Variants in RNF220 observed in about 807,000 individuals in gnomAD.
The protein encoded by RNF220 is E3 ubiquitin-protein ligase RNF220.
RNF220 carries 7 observed loss-of-function variants against 67.1 expected under a neutral mutation model. That is an observed-to-expected ratio of 0.10 (90% CI 0.06 to 0.20). The LOEUF (loss-of-function observed/expected upper bound fraction) is 0.20. Among genes scored for constraint, RNF220 ranks in the 10% least tolerant of loss-of-function variants. The probability of loss-of-function intolerance (pLI) is 1.00; values close to 1 mark genes in which losing one functional copy is unlikely to be tolerated. For synonymous variants in RNF220, 270 were observed against 283.2 expected, an observed-to-expected ratio of 0.95 and a Z score of 0.47; for missense variants, 565 against 740.3, an observed-to-expected ratio of 0.76 and a Z score of 2.75.
At chr1:44,470,956 C>G (rs1654749680) in intron 2 of RNF220, among the ~76,000 whole-genome samples, 1 of 152,180 alleles carries the variant, frequency 6.6e-6, no homozygotes, top group African/African-American at 2.4e-5. Context: ...TCCCAACCCA[C>G]TGGACTTCAG....
At position 44,556,598 on chromosome 1, in the gene RNF220, C is replaced by T. The variant is rs898326546; in HGVS notation, c.626-57567C>T. On this transcript the variant is annotated intron_variant, in intron 2 of 14. Coordinates refer to ENST00000361799, the MANE Select transcript of RNF220 (RefSeq NM_018150.4). ...TTTTTTTGACAGAGTCTGGCTCTGT[C>T]ACCCAGGCTGGAGTGCAGTGGCATG... Among the ~76,000 whole-genome samples the T allele has an allele frequency of 8.1e-5, 12 of 148,998 alleles. 1 individual carries two copies. Among genetic ancestry groups the T allele is most frequent in the African/African-American group, 2.8e-4 (11 of 38,948 alleles).
At chr1:44,569,588 C>T (rs2148314069) in intron 2 of RNF220, among the ~76,000 whole-genome samples, 1 of 152,350 alleles carries the variant, frequency 6.6e-6, no homozygotes, top group East Asian at 1.9e-4. Context: ...AGGGCCATGA[C>T]TTTGCTGCCA....
chr1:44,527,044 G>C (rs368018914), intron 2 of RNF220, among the ~76,000 whole-genome samples: 1 of 151,510 alleles, frequency 6.6e-6, no homozygotes, highest in South Asian at 2.1e-4. Flanking sequence ...CCTTACTTAC[G>C]CATCTTCCCG....
intron 2 of RNF220, among the ~76,000 whole-genome samples, chr1:44,507,371 T>G (rs1007840078): frequency 5.9e-5 from 9 of 151,608 alleles, no homozygotes; most frequent in African/African-American, 2.2e-4. Flanking sequence ...TTACTCCACC[T>G]CTCCAGAGCC....
chr1:44,545,899 G>A (rs1162050272), intron 2 of RNF220, among the ~76,000 whole-genome samples: 1 of 152,056 alleles, frequency 6.6e-6, no homozygotes, highest in Admixed American at 6.6e-5. Flanking sequence ...TGGGATTACA[G>A]GCATGCGCCA....
At chr1:44,502,246 A>G (rs957527122) in intron 2 of RNF220, among the ~76,000 whole-genome samples, 3 of 152,012 alleles carry the variant, frequency 2.0e-5, no homozygotes, top group Non-Finnish European at 4.4e-5. Flanking sequence ...CGCATGATCC[A>G]GTGTTCTGGG....
chr1:44,552,820 T>C (rs270699), intron 2 of RNF220, among the ~76,000 whole-genome samples: 130,165 of 151,822 alleles, frequency 0.86, 57,354 homozygotes, highest in Non-Finnish European at 0.97. Context: ...CCGCCCGCCT[T>C]GGCCTCCCAA....
chr1:44,635,620 G>T, intron 7 of RNF220, 32 bp downstream of exon 7: 2 of 1,614,184 alleles, frequency 1.2e-6, no homozygotes, highest in Non-Finnish European at 1.7e-6. Context: ...CCCCTGGCAG[G>T]ATCGGAGCAG....
chr1:44,630,603 T>C (rs1644088135), intron 5 of RNF220, among the ~76,000 whole-genome samples: 1 of 147,752 alleles, frequency 6.8e-6, no homozygotes, highest in Non-Finnish European at 1.5e-5. Flanking sequence ...AAAATATACA[T>C]GATCAAAGAG....
At chr1:44,562,939 A>G (rs1663693669) in intron 2 of RNF220, among the ~76,000 whole-genome samples, 1 of 152,226 alleles carries the variant, frequency 6.6e-6, no homozygotes, top group South Asian at 2.1e-4. Flanking sequence ...AAATACAGTC[A>G]AGAATTATAC....
At chr1:44,617,560 G>A (rs1012790282) in intron 3 of RNF220, among the ~76,000 whole-genome samples, 2 of 152,256 alleles carry the variant, frequency 1.3e-5, no homozygotes, top group Admixed American at 1.3e-4. Flanking sequence ...TCAGCGGGGA[G>A]CGCGGGGAGG....
chr1:44,496,404 G>A (rs1171478475), intron 2 of RNF220, among the ~76,000 whole-genome samples: 2 of 152,302 alleles, frequency 1.3e-5, no homozygotes, highest in African/African-American at 4.8e-5. Flanking sequence ...AGACAGGCAT[G>A]AGAATGAATG....
intron 2 of RNF220, among the ~76,000 whole-genome samples, chr1:44,423,654 TC>T (rs945127775): frequency 7.9e-5 from 12 of 152,120 alleles, no homozygotes; most frequent in Non-Finnish European, 1.8e-4. Context: ...AGATTAAGGG[TC>T]CTCATCTTTT....
At chr1:44,632,128 G>T in intron 5 of RNF220, 3 of 1,518,666 alleles carry the variant, frequency 2.0e-6, no homozygotes, top group Non-Finnish European at 2.7e-6. Flanking sequence ...CGGCCACGGG[G>T]TCCCGTTAGA....
At chr1:44,570,624 A>T (rs1664370762) in intron 2 of RNF220, among the ~76,000 whole-genome samples, 1 of 152,132 alleles carries the variant, frequency 6.6e-6, no homozygotes, top group Non-Finnish European at 1.5e-5. Flanking sequence ...GATCCAATGT[A>T]TCAGGAATGG....
chr1:44,636,426 C>T lies in RNF220; in HGVS notation c.1126+264C>T, dbSNP rs750033915. 7 of 718,892 alleles carry T rather than the reference C, an allele frequency of 9.7e-6. No homozygotes were observed. In the East Asian group the frequency reaches 1.6e-4, roughly 17 times the overall value. The allele number at this position is 718,892 out of a possible 1,614,324, so 44.5% of individuals were successfully genotyped here. ...GGGGGGCTCTCAGCTTCGGGTGATGCATTGAAGGTGACAGCCAAGCCGCGT... is the reference window on the plus strand; with the variant it reads ...GGGGGGCTCTCAGCTTCGGGTGATGTATTGAAGGTGACAGCCAAGCCGCGT... On this transcript the variant is annotated intron_variant, in intron 8 of 14. Transcript: ENST00000361799.
intron 2 of RNF220, among the ~76,000 whole-genome samples, chr1:44,445,440 A>G (rs1220031522): frequency 6.6e-6 from 1 of 152,210 alleles, no homozygotes; most frequent in East Asian, 1.9e-4. Context: ...GAGAAGGACA[A>G]CATGGGCTGT....
chr1:44,498,676 A>T (rs771748868), intron 2 of RNF220, among the ~76,000 whole-genome samples: 5 of 152,030 alleles, frequency 3.3e-5, no homozygotes, highest in Non-Finnish European at 7.4e-5. Context: ...AAAACCCTCT[A>T]TACCAGGGAT....
chr1:44,610,603 T>C (rs1643252394), intron 2 of RNF220, among the ~76,000 whole-genome samples: 1 of 151,768 alleles, frequency 6.6e-6, no homozygotes, highest in Admixed American at 6.6e-5. Context: ...GGTTGGGGAG[T>C]GTCATGAGCT....
Sources: gnomAD v4.1 joint callset for allele counts (sites outside exome capture counted in the v4.1 genomes callset) on GRCh38, gnomAD v4.1.1 for gene constraint, MANE v1.5 for transcripts, NCBI Gene and HGNC (gene_info 2026-07-23, HGNC 2026-07-21) for gene names.